Variants in ADGRG6 observed in about 807,000 individuals in gnomAD.
The protein encoded by ADGRG6 is G-protein coupled receptor 126.
A neutral mutation model predicts 142.4 loss-of-function variants in ADGRG6; 84 were observed. The observed-to-expected ratio is 0.59, with a 90% CI of 0.49 to 0.71. The LOEUF (loss-of-function observed/expected upper bound fraction) is 0.71, where lower values mean the gene tolerates loss of function less well. Among genes scored for constraint, ADGRG6 ranks in the 30% least tolerant of loss-of-function variants. ADGRG6 has a pLI of 0.00. For synonymous variants in ADGRG6, 521 were observed against 520.5 expected (o/e 1.00, Z -0.01); for missense variants, 1,367 against 1,466.6 (o/e 0.93, Z 1.11).
intron 9 of ADGRG6, among the ~76,000 whole-genome samples, chr6:142,394,843 C>G (rs758734965): frequency 6.6e-6 from 1 of 152,064 alleles, no homozygotes; most frequent in Non-Finnish European, 1.5e-5. Flanking sequence ...TGTCTCAGCC[C>G]CCCCCAGAGT....
In ADGRG6 at chr6:142,417,404, T is replaced by C. The variant is rs150133344; in HGVS notation, c.3035+35T>C. On this transcript the variant is annotated intron_variant, in intron 21 of 24. Coordinates refer to ENST00000367609, the MANE Select transcript of ADGRG6 (RefSeq NM_198569.3). ...AAAAACTTTTTGTGATGAGTAGATATCCTTTGTTTCCTGAAGTTTAGCATT... is the reference window on the plus strand; with the variant it reads ...AAAAACTTTTTGTGATGAGTAGATACCCTTTGTTTCCTGAAGTTTAGCATT... The C allele has an allele frequency of 2.5e-5, 22 of 866,292 alleles. No homozygotes were observed. In the Middle Eastern group the frequency reaches 7.2e-4, roughly 28 times the overall value. The allele number at this position is 866,292 out of a possible 1,614,324, so 53.7% of individuals were successfully genotyped here. A position where few individuals can be genotyped will look rare whatever the true frequency, so the allele number is the denominator to read the frequency against.
At chr6:142,349,702 C>T (rs1780070509) in intron 2 of ADGRG6, among the ~76,000 whole-genome samples, 1 of 152,156 alleles carries the variant, frequency 6.6e-6, no homozygotes, top group Admixed American at 6.5e-5. Flanking sequence ...TAGGGTTTCA[C>T]TAATCCATAG....
chr6:142,319,419 T>C (rs1416004932), intron 2 of ADGRG6, among the ~76,000 whole-genome samples: 1 of 152,122 alleles, frequency 6.6e-6, no homozygotes, highest in Non-Finnish European at 1.5e-5. Flanking sequence ...AAGGGTGAAA[T>C]TGTGTGACAG....
chr6:142,443,767 A>C lies in ADGRG6; in HGVS notation c.*252A>C, dbSNP rs964851524. Reference sequence around the variant, plus strand: ...GTAGCCACAGAAGCTATGATTTGTAAAATATATAATTGAATCAGAGTAATC... The same window carrying C: ...GTAGCCACAGAAGCTATGATTTGTACAATATATAATTGAATCAGAGTAATC... On this transcript the variant is annotated 3_prime_UTR_variant, in exon 25 of 25. Transcript: ENST00000367609. 1 of 336,608 alleles carries C rather than the reference A, an allele frequency of 3.0e-6. No individual in the cohort carries two copies. Among genetic ancestry groups the C allele is most frequent in the African/African-American group, 2.2e-5 (1 of 46,408 alleles). 20.9% of individuals were successfully genotyped at this position (336,608 alleles called of 1,614,324 possible).
intron 22 of ADGRG6, among the ~76,000 whole-genome samples, chr6:142,432,198 A>G (rs1409907140): frequency 6.6e-6 from 1 of 151,976 alleles, no homozygotes; most frequent in East Asian, 1.9e-4. Flanking sequence ...TTCTTTCCAT[A>G]TTGCTTGTGT....
In ADGRG6 at chr6:142,405,708, A is replaced by C. The variant is rs756037302; in HGVS notation, c.2148A>C (p.Gln716His). 1 of 1,607,616 alleles carries C rather than the reference A, an allele frequency of 6.2e-7. No homozygotes were observed. Among genetic ancestry groups the C allele is most frequent in the South Asian group, 1.1e-5 (1 of 90,680 alleles). The change falls in exon 15 of 25, where the codon CAA becomes CAC. Residue 716 changes from glutamine (Q) to histidine (H), a missense_variant. Gln to His is a conservative substitution (Grantham distance 24, BLOSUM62 0). Transcript: ENST00000367609. Reference sequence around the variant, plus strand: ...GACAGATGGATTTTGAGAGTGGACAAGTGGATCCACTGGCATCTGTAATTT... The same window carrying C: ...GACAGATGGATTTTGAGAGTGGACACGTGGATCCACTGGCATCTGTAATTT... ...SYFQMDFESG[Q>H]VDPLASVILP... is the part of the protein sequence containing the mutation.
rs746766786 is a variant in ADGRG6, at chr6:142,370,903, C to T, written c.1069+110C>T. ...ACAAATGTACCTGTATGTATATTCA[C>T]ACATATAGACATATATATATATGTT... On this transcript the variant is annotated intron_variant, in intron 4 of 24. Coordinates refer to ENST00000367609, the MANE Select transcript of ADGRG6 (RefSeq NM_198569.3). 4 of 1,013,302 alleles carry T rather than the reference C, an allele frequency of 3.9e-6. 1 individual carries two copies. The South Asian group carries it at 4.4e-5, about 11-fold the overall frequency. 62.8% of individuals were successfully genotyped at this position (1,013,302 alleles called of 1,614,324 possible).
chr6:142,325,286 A>G (rs995734384), intron 2 of ADGRG6, among the ~76,000 whole-genome samples: 1 of 152,072 alleles, frequency 6.6e-6, no homozygotes, highest in African/African-American at 2.4e-5. Context: ...CCTCCACTGT[A>G]ATCACCTTCC....
At chr6:142,379,585 G>A (rs1781660467) in intron 4 of ADGRG6, among the ~76,000 whole-genome samples, 1 of 152,104 alleles carries the variant, frequency 6.6e-6, no homozygotes, top group Admixed American at 6.5e-5. Context: ...GGCTAACATG[G>A]TGAAACCCTG....
intron 4 of ADGRG6, 114 bp downstream of exon 4, chr6:142,370,907 TATAGAC>T (rs1781216972): frequency 1.0e-6 from 1 of 980,220 alleles, no homozygotes; most frequent in East Asian, 2.6e-5. Flanking sequence ...TATTCACACA[TATAGAC>T]ATATATATAT....
intron 2 of ADGRG6, among the ~76,000 whole-genome samples, chr6:142,336,714 ATATT>A (rs558855851): frequency 1.3e-3 from 195 of 152,316 alleles, no homozygotes; most frequent in African/African-American, 4.4e-3. Context: ...ACACACATGC[ATATT>A]TATTACCTTC....
At chr6:142,335,189 G>A (rs1385653154) in intron 2 of ADGRG6, among the ~76,000 whole-genome samples, 1 of 152,126 alleles carries the variant, frequency 6.6e-6, no homozygotes, top group Non-Finnish European at 1.5e-5. Flanking sequence ...TTAAGTCATG[G>A]GGAACCTTGA....
intron 2 of ADGRG6, among the ~76,000 whole-genome samples, chr6:142,338,013 C>CTTTTTTTTTTTTTTT (rs1779405902): frequency 1.2e-4 from 3 of 26,042 alleles, no homozygotes; most frequent in African/African-American, 3.6e-4. Flanking sequence ...TGCCTTGTAT[C>CTTTTTTTTTTTTTTT]TTTGTTTTTT....
intron 2 of ADGRG6, among the ~76,000 whole-genome samples, chr6:142,312,518 T>C (rs1185577518): frequency 1.3e-5 from 2 of 152,002 alleles, no homozygotes; most frequent in Non-Finnish European, 2.9e-5. Flanking sequence ...CTTAAAACAA[T>C]AAAAATGCGA....
At chr6:142,381,805 C>G in intron 4 of ADGRG6, 146 bp from the exon 5 acceptor site, 1 of 472,342 alleles carries the variant, frequency 2.1e-6, no homozygotes, top group South Asian at 4.1e-5. Flanking sequence ...AATTAAGGCA[C>G]AGTGGCCTTA....
intron 6 of ADGRG6, 30 bp downstream of exon 6, chr6:142,383,873 G>C (rs781580053): frequency 6.4e-6 from 7 of 1,090,576 alleles, no homozygotes; most frequent in Non-Finnish European, 9.8e-6. Context: ...TATATTTTTA[G>C]TATGTCTAAC....
intron 2 of ADGRG6, among the ~76,000 whole-genome samples, chr6:142,314,180 C>T (rs1777911299): frequency 6.6e-6 from 1 of 152,124 alleles, no homozygotes; most frequent in Non-Finnish European, 1.5e-5. Context: ...TTTGGATGGC[C>T]TGAATTCGAT....
At chr6:142,345,977 G>A (rs1779880355) in intron 2 of ADGRG6, among the ~76,000 whole-genome samples, 1 of 152,156 alleles carries the variant, frequency 6.6e-6, no homozygotes, top group South Asian at 2.1e-4. Flanking sequence ...CATTTTTAAG[G>A]GTTGTTTGAG....
In ADGRG6 at chr6:142,443,773, A is replaced by T. The variant is rs995511516; in HGVS notation, c.*258A>T. ...ACAGAAGCTATGATTTGTAAAATAT[A>T]TAATTGAATCAGAGTAATCATAATG... On this transcript the variant is annotated 3_prime_UTR_variant, in exon 25 of 25. Transcript: ENST00000367609. 3.2e-6 allele frequency: 1 copy of T among 315,216 alleles called. No homozygotes were observed. The highest frequency in any genetic ancestry group is 2.2e-5 in the African/African-American group (1 of 45,866). The allele number at this position is 315,216 out of a possible 1,614,324, so 19.5% of individuals were successfully genotyped here.
Sources: gnomAD v4.1 joint callset for allele counts (sites outside exome capture counted in the v4.1 genomes callset) on GRCh38, gnomAD v4.1.1 for gene constraint, MANE v1.5 for transcripts, NCBI Gene and HGNC (gene_info 2026-07-23, HGNC 2026-07-21) for gene names.